The following TERT variants were observed in gnomAD, a reference collection of about 807,000 sequenced individuals.
TERT encodes telomerase reverse transcriptase.
TERT carries 42 observed loss-of-function variants against 104.0 expected under a neutral mutation model. That is an observed-to-expected ratio of 0.40 (90% CI 0.32 to 0.52). The LOEUF (loss-of-function observed/expected upper bound fraction) is 0.52, where lower values mean the gene tolerates loss of function less well. Among genes scored for constraint, TERT ranks in the 20% least tolerant of loss-of-function variants. TERT has a pLI of 0.43. For missense variants in TERT, 1,101 were observed against 1,610.3 expected (o/e 0.68, Z 5.41); for synonymous variants, 781 against 725.6 (o/e 1.08, Z -1.23).
In TERT at chr5:1,272,910, C is replaced by T. The variant is rs367922581; in HGVS notation, c.2287-630G>A. 2.3e-3 allele frequency among the ~76,000 whole-genome samples: 2 copies of T among 860 alleles called. 1 individual carries two copies. The highest frequency in any genetic ancestry group is 0.024 in the Admixed American group (2 of 82). 0.6% of individuals were successfully genotyped at this position (860 alleles called of 152,430 possible). On this transcript the variant is annotated intron_variant, in intron 6 of 15. Transcript: ENST00000310581. ...GTCACCACACATCAGACCCCACGAC[C>T]GCCATCCACAGTCACCACACATCAG...
At chr5:1,277,578 G>A (rs978096503) in intron 6 of TERT, among the ~76,000 whole-genome samples, 2 of 146,848 alleles carry the variant, frequency 1.4e-5, no homozygotes, top group Non-Finnish European at 3.0e-5. Context: ...CACGGTGGGG[G>A]CGGTAGCTTC....
rs538976734 is a variant in TERT, at chr5:1,278,522, T to C, written c.2286+119A>G. The stretch of plus-strand genomic sequence containing the variant: ...ACGTGCCACACACGCATATCACAGA[T>C]GTGTAAATCATGGAAGTACCTCCAC... On this transcript the variant is annotated intron_variant, in intron 6 of 15. Transcript: ENST00000310581. The C allele has an allele frequency of 3.1e-5, 44 of 1,401,506 alleles. No individual in the cohort carries two copies. The African/African-American group carries it at 5.5e-4, about 18-fold the overall frequency. 86.8% of individuals were successfully genotyped at this position (1,401,506 alleles called of 1,614,324 possible). A position where few individuals can be genotyped will look rare whatever the true frequency, so the allele number is the denominator to read the frequency against.
rs1579568602 is a variant in TERT at position 1,274,074 on chromosome 5, G to A, written c.2287-1794C>T. On this transcript the variant is annotated intron_variant, in intron 6 of 15. Transcript: ENST00000310581. The surrounding 1 kb of genome is among the most constrained non-coding windows in gnomAD (Gnocchi z 5.3). ...CAAGACAGGATGTGAGCAGGCACGT[G>A]ACACACACTAACACGGACACAGGAG... is the stretch of plus-strand genomic sequence containing the variant. 2.6e-5 allele frequency among the ~76,000 whole-genome samples: 4 copies of A among 152,238 alleles called. No homozygotes were observed. The South Asian group carries it at 8.3e-4, about 32-fold the overall frequency.
rs1554041994 is a variant in TERT, at chr5:1,287,508, A to AAAAT, written c.1574-4885_1574-4884insATTT. The stretch of plus-strand genomic sequence containing the variant: ...CCAAGACTCTGTCTCAAAAAAAAAA[A>AAAAT]ATATATATATATATATATAAATTAA... On this transcript the variant is annotated intron_variant, in intron 2 of 15. Coordinates refer to ENST00000310581, the MANE Select transcript of TERT (RefSeq NM_198253.3). The surrounding 1 kb of genome is among the most constrained non-coding windows in gnomAD (Gnocchi z 4.3). 2.1e-4 allele frequency among the ~76,000 whole-genome samples: 29 copies of AAAAT among 140,720 alleles called. No homozygotes were observed. The highest frequency in any genetic ancestry group is 3.7e-3 in the Middle Eastern group (1 of 272). The allele number at this position is 140,720 out of a possible 152,430, so 92.3% of individuals were successfully genotyped here.
rs765045544 is a variant in TERT, at chr5:1,269,470, C to T, written c.2469-837G>A. ...ACTAAAAATACAAAAATTAGCCAGG[C>T]GCAGGGGGTGGGTGCCTGTAATCTC... On this transcript the variant is annotated intron_variant, in intron 8 of 15. Coordinates refer to ENST00000310581, the MANE Select transcript of TERT (RefSeq NM_198253.3). This position sits in a 1 kb window ranked among gnomAD's most constrained non-coding sequence, Gnocchi z 9.0. Among the ~76,000 whole-genome samples the T allele has an allele frequency of 4.0e-5, 6 of 151,822 alleles. No homozygotes were observed. Among genetic ancestry groups the T allele is most frequent in the South Asian group, 2.1e-4 (1 of 4,808 alleles).
rs765739078 is a variant in TERT, at chr5:1,278,630, G to T, written c.2286+11C>A. 6.2e-7 allele frequency: 1 copy of T among 1,613,886 alleles called. No homozygotes were observed. The highest frequency in any genetic ancestry group is 2.2e-5 in the East Asian group (1 of 44,894). On this transcript the variant is annotated intron_variant, in intron 6 of 15. Transcript: ENST00000310581. Reference sequence around the variant, plus strand: ...CACATCCTGGACACGACTATCACACGTGAACCTTACGTGGCTCTTGAAGGC... The same window carrying T: ...CACATCCTGGACACGACTATCACACTTGAACCTTACGTGGCTCTTGAAGGC...
chr5:1,266,967 G>C (rs1400539632), intron 9 of TERT, among the ~76,000 whole-genome samples: 1 of 152,190 alleles, frequency 6.6e-6, no homozygotes, highest in African/African-American at 2.4e-5. Context: ...AGGAAGCTGG[G>C]CATGGTGCAC....
At chr5:1,283,535 A>G (rs1025345365) in intron 2 of TERT, among the ~76,000 whole-genome samples, 1 of 141,958 alleles carries the variant, frequency 7.0e-6, no homozygotes, top group Non-Finnish European at 1.5e-5. Context: ...TGGCGACCTC[A>G]CCCCGGACCT....
rs1751116306 is a variant in TERT at position 1,293,396 on chromosome 5, A to C, written c.1490T>G (p.Leu497Arg). The C allele has an allele frequency of 1.9e-6, 3 of 1,613,138 alleles. No homozygotes were observed. Among genetic ancestry groups the C allele is most frequent in the Non-Finnish European group, 2.5e-6 (3 of 1,179,994 alleles). ...FLRNTKKFIS[L>R]GKHAKLSLQE... is the part of the protein sequence containing the mutation. ...CAGCGAGAGCTTGGCATGCTTCCCCAGGGAGATGAACTTCTTGGTGTTCCT... is the reference window on the plus strand; with the variant it reads ...CAGCGAGAGCTTGGCATGCTTCCCCCGGGAGATGAACTTCTTGGTGTTCCT... Residue 497 changes from leucine (L) to arginine (R), a missense_variant, in exon 2 of 16, where the codon CTG becomes CGG. This residue lies in a region of TERT where 504 missense variants were observed against 544.6 expected (regional missense o/e 0.93). Transcript: ENST00000310581.
In TERT at chr5:1,266,497, G is replaced by A; in HGVS notation, c.2621C>T (p.Thr874Ile). The change falls in exon 10 of 16, where the codon ACA becomes ATA. Residue 874 changes from threonine (T) to isoleucine (I), a missense_variant. This residue lies in a region of TERT where 463 missense variants were observed against 797.5 expected (regional missense o/e 0.58). Coordinates refer to ENST00000310581, the MANE Select transcript of TERT (RefSeq NM_198253.3). The stretch of plus-strand genomic sequence containing the variant: ...GGTTTTCGCGTGGGTGAGGTGAGGT[G>A]TCACCAACAAGAAATCATCCACCAA... ...LRLVDDFLLV[T>I]PHLTHAKTFL... The A allele has an allele frequency of 6.2e-7, 1 of 1,610,696 alleles. No homozygotes were observed. The highest frequency in any genetic ancestry group is 8.5e-7 in the Non-Finnish European group (1 of 1,178,530).
rs1554041316 is a variant in TERT at position 1,282,551 on chromosome 5, C to T, written c.1647G>A (p.Met549Ile). 5 of 1,614,166 alleles carry T rather than the reference C, an allele frequency of 3.1e-6. No individual in the cohort carries two copies. The highest frequency in any genetic ancestry group is 4.2e-6 in the Non-Finnish European group (5 of 1,180,036). Reference protein sequence around the residue: ...EILAKFLHWLMSVYVVELLRS... With the variant: ...EILAKFLHWLISVYVVELLRS... ...TGAGCAGCTCGACGACGTACACACT[C>T]ATCAGCCAGTGCAGGAACTTGGCCA... The change falls in exon 3 of 16, where the codon ATG (methionine) becomes ATA (isoleucine). Residue 549 changes from methionine (M) to isoleucine (I), a missense_variant. Physicochemically the swap from Met to Ile is conservative, Grantham distance 10 (BLOSUM62 1). This residue lies in a region of TERT where 504 missense variants were observed against 544.6 expected (regional missense o/e 0.93). Coordinates refer to ENST00000310581, the MANE Select transcript of TERT (RefSeq NM_198253.3).
At position 1,263,087 on chromosome 5, in the gene TERT, C is replaced by A. The variant is rs1748346725; in HGVS notation, c.2843+1317G>T. Among the ~76,000 whole-genome samples, 1 of 152,182 alleles carries A rather than the reference C, an allele frequency of 6.6e-6. No individual in the cohort carries two copies. Among genetic ancestry groups the A allele is most frequent in the Non-Finnish European group, 1.5e-5 (1 of 68,038 alleles). Reference sequence around the variant, plus strand: ...TGCACAAGGGTGTCTGCACCTGCCACTCCCCCATCATGAGGGCGTCTGCAC... The same window carrying A: ...TGCACAAGGGTGTCTGCACCTGCCAATCCCCCATCATGAGGGCGTCTGCAC... On this transcript the variant is annotated intron_variant, in intron 11 of 15. Transcript: ENST00000310581. This position sits in a 1 kb window ranked among gnomAD's most constrained non-coding sequence, Gnocchi z 5.3.
Position 1,257,823 on chromosome 5 carries a change from C to T in TERT, c.3032+775G>A, listed in dbSNP as rs1196704017. Among the ~76,000 whole-genome samples, 2 of 152,228 alleles carry T rather than the reference C, an allele frequency of 1.3e-5. No homozygotes were observed. Among genetic ancestry groups the T allele is most frequent in the Non-Finnish European group, 2.9e-5 (2 of 68,038 alleles). On this transcript the variant is annotated intron_variant, in intron 13 of 15. Coordinates refer to ENST00000310581, the MANE Select transcript of TERT (RefSeq NM_198253.3). This position sits in a 1 kb window ranked among gnomAD's most constrained non-coding sequence, Gnocchi z 5.6. ...CGGCCCTGGGTAACACAAATGCTCACACTCCTTCTCAGCCCTCATGGGGCG... is the reference window on the plus strand; with the variant it reads ...CGGCCCTGGGTAACACAAATGCTCATACTCCTTCTCAGCCCTCATGGGGCG...
rs34524651 is a variant in TERT, at chr5:1,261,202, C to T, written c.2844-602G>A. The stretch of plus-strand genomic sequence containing the variant: ...CAAAGATGAACACACATGACATCCA[C>T]GGCAGGCTCCTGGGGTGTGTTCTTT... On this transcript the variant is annotated intron_variant, in intron 11 of 15. Transcript: ENST00000310581. The surrounding 1 kb of genome is among the most constrained non-coding windows in gnomAD (Gnocchi z 7.4). Among the ~76,000 whole-genome samples, 572 of 152,362 alleles carry T rather than the reference C, an allele frequency of 3.8e-3. 1 individual carries two copies. The highest frequency in any genetic ancestry group is 6.8e-3 in the Middle Eastern group (2 of 294).
rs1197506403 is a variant in TERT at position 1,270,830 on chromosome 5, G to A, written c.2468+289C>T. Among the ~76,000 whole-genome samples, 1 of 152,208 alleles carries A rather than the reference G, an allele frequency of 6.6e-6. No individual in the cohort carries two copies. Among genetic ancestry groups the A allele is most frequent in the Non-Finnish European group, 1.5e-5 (1 of 68,040 alleles). On this transcript the variant is annotated intron_variant, in intron 8 of 15. Coordinates refer to ENST00000310581, the MANE Select transcript of TERT (RefSeq NM_198253.3). The surrounding 1 kb of genome is among the most constrained non-coding windows in gnomAD (Gnocchi z 8.3). ...AAACGCTCGGCGCACACCTGACCCA[G>A]ACACACCCCCCGCCCCTCGTCCTCC...
In TERT at chr5:1,293,908, G is replaced by C. The variant is rs1435076658; in HGVS notation, c.978C>G (p.Ala326=). Residue 326 remains alanine, a synonymous_variant, in exon 2 of 16, where the codon GCC becomes GCG. Coordinates refer to ENST00000310581, the MANE Select transcript of TERT (RefSeq NM_198253.3). ...PWDTPCPPVY[A]ETKHFLYSSG... ...AGGAGTAGAGGAAGTGCTTGGTCTC[G>C]GCGTACACCGGGGGACAAGGCGTGT... The C allele has an allele frequency of 1.9e-6, 3 of 1,541,830 alleles. No homozygotes were observed. The highest frequency in any genetic ancestry group is 2.4e-5 in the East Asian group (1 of 40,920).
At position 1,294,367 on chromosome 5, in the gene TERT, C is replaced by T. The variant is rs763396974; in HGVS notation, c.519G>A (p.Pro173=). The T allele has an allele frequency of 1.9e-5, 30 of 1,575,654 alleles. No homozygotes were observed. Among genetic ancestry groups the T allele is most frequent in the African/African-American group, 2.7e-5 (2 of 74,446 alleles). Residue 173 remains proline, a synonymous_variant, in exon 2 of 16, where the codon CCG becomes CCA. Transcript: ENST00000310581. ...TGGCAGCGCCGAGCTGGTACAGCGG[C>T]GGCCCGCACACCTGGTAGGCGCAGC... ...APSCAYQVCG[P]PLYQLGAATQ... is the part of the protein sequence containing the mutation.
chr5:1,271,940 T>C (rs1352628453), intron 7 of TERT, among the ~76,000 whole-genome samples: 1 of 152,248 alleles, frequency 6.6e-6, no homozygotes, highest in East Asian at 1.9e-4. Flanking sequence ...ACAAAGGCAC[T>C]GCGGAACTGG....
At chr5:1,283,820 A>C in intron 2 of TERT, among the ~76,000 whole-genome samples, 1 of 121,378 alleles carries the variant, frequency 8.2e-6, no homozygotes, top group African/African-American at 3.2e-5. Context: ...CCAGCCCACC[A>C]AGGGCCTAGC....
Sources: allele counts gnomAD v4.1 joint callset (sites outside exome capture counted in the v4.1 genomes callset), GRCh38; gene constraint gnomAD v4.1.1; regional missense constraint gnomAD v4.1.1; non-coding constraint Gnocchi (gnomAD v3.1); transcripts MANE v1.5; gene names NCBI Gene and HGNC (gene_info 2026-07-23, HGNC 2026-07-21).